RP2: variants seen among roughly 807,000 people sequenced by gnomAD.
RP2 encodes the protein protein XRP2.
RP2 carries 3 observed loss-of-function variants against 20.3 expected under a neutral mutation model. That is an observed-to-expected ratio of 0.15 (90% CI 0.07 to 0.38). The LOEUF is 0.38. Among genes scored for constraint, RP2 ranks in the 10% least tolerant of loss-of-function variants. The pLI is 1.00. For synonymous variants in RP2, 75 were observed against 94.8 expected, an observed-to-expected ratio of 0.79 and a Z score of 1.22; for missense variants, 233 against 268.5, an observed-to-expected ratio of 0.87 and a Z score of 0.92.
chrX:46,847,765 C>CATATGTGTGTGTATATACACACAT (rs782092352), intron 1 of RP2, among the ~76,000 whole-genome samples: 18 of 78,412 alleles, frequency 2.3e-4, no homozygotes, highest in Admixed American at 1.3e-3. Flanking sequence ...TATATACACA[C>CATATGTGTGTGTATATACACACAT]ATGTGTGTGT....
At chrX:46,857,151 C>T (rs1010539009) in intron 2 of RP2, among the ~76,000 whole-genome samples, 99 of 103,167 alleles carry the variant, frequency 9.6e-4, no homozygotes, top group African/African-American at 3.4e-3. Flanking sequence ...TTTTTTTTTT[C>T]GCAATAGGAA....
chrX:46,844,657 A>T (rs1924685187), intron 1 of RP2, among the ~76,000 whole-genome samples: 1 of 111,266 alleles, frequency 9.0e-6, no homozygotes, highest in Non-Finnish European at 1.9e-5. Context: ...ATGTGTCTTT[A>T]TAGCAGCATG....
At chrX:46,837,230 C>T (rs781973026) in intron 1 of RP2, 28 bp downstream of exon 1, 23 of 1,148,136 alleles carry the variant, frequency 2.0e-5, no homozygotes, top group Admixed American at 2.6e-5. Flanking sequence ...GCCGCCGTCT[C>T]AGCCTCCCTG....
chrX:46,849,966 C>T (rs1924830957), intron 1 of RP2, among the ~76,000 whole-genome samples: 1 of 112,071 alleles, frequency 8.9e-6, no homozygotes, highest in African/African-American at 3.2e-5. Context: ...TGCACTTGCT[C>T]CCTCCCTCTC....
intron 1 of RP2, among the ~76,000 whole-genome samples, chrX:46,850,782 C>G (rs1731291775): frequency 8.9e-6 from 1 of 111,954 alleles, no homozygotes; most frequent in Non-Finnish European, 1.9e-5. Context: ...TTCTCAGCAT[C>G]TCTCATTACA....
chrX:46,870,416 ATT>A (rs1359753774), intron 3 of RP2, among the ~76,000 whole-genome samples: 3 of 109,837 alleles, frequency 2.7e-5, no homozygotes, highest in African/African-American at 1.0e-4. Context: ...GCCCCCAGCT[ATT>A]TTTTTAAACA....
At chrX:46,879,195 C>A (rs1925430278) in intron 4 of RP2, among the ~76,000 whole-genome samples, 1 of 107,766 alleles carries the variant, frequency 9.3e-6, no homozygotes, top group African/African-American at 3.4e-5. Context: ...GCCATGATTG[C>A]ACCACTGCAC....
intron 2 of RP2, among the ~76,000 whole-genome samples, chrX:46,855,879 A>G (rs1178642933): frequency 8.9e-6 from 1 of 111,921 alleles, no homozygotes; most frequent in Non-Finnish European, 1.9e-5. Flanking sequence ...ATAGCTATAT[A>G]TTCCACAATG....
rs1924893682 is a variant in RP2, at chrX:46,853,403, A to C, written c.103-73A>C. ...TTCAGCACTAAGAACTGTGCCTGGC[A>C]GCCAATAGTCCTTTAGTTGATACTT... On this transcript the variant is annotated intron_variant, in intron 1 of 4. Coordinates refer to ENST00000218340, the MANE Select transcript of RP2 (RefSeq NM_006915.3). The C allele has an allele frequency of 3.1e-6, 3 of 970,638 alleles. No homozygotes were observed. The African/African-American group carries it at 5.8e-5, about 19-fold the overall frequency. The allele number at this position is 970,638 out of a possible 1,213,427, so 80.0% of individuals were successfully genotyped here. A position where few individuals can be genotyped will look rare whatever the true frequency, so the allele number is the denominator to read the frequency against.
At chrX:46,864,897 T>G (rs1275255736) in intron 3 of RP2, among the ~76,000 whole-genome samples, 1 of 112,266 alleles carries the variant, frequency 8.9e-6, no homozygotes, top group Non-Finnish European at 1.9e-5. Flanking sequence ...GAGAGAGAGA[T>G]AATGAAGGGC....
chrX:46,855,060 C>T (rs1924933583), intron 2 of RP2, among the ~76,000 whole-genome samples: 1 of 111,466 alleles, frequency 9.0e-6, no homozygotes, highest in African/African-American at 3.3e-5. Flanking sequence ...GCCACTGCAC[C>T]CAGCCAAAAG....
chrX:46,850,663 A>C (rs1556317938), intron 1 of RP2, among the ~76,000 whole-genome samples: 1 of 110,342 alleles, frequency 9.1e-6, no homozygotes, highest in Non-Finnish European at 1.9e-5. Context: ...CTTTATTCCT[A>C]CCCCTTTTAC....
chrX:46,866,337 C>G (rs1192875627), intron 3 of RP2, among the ~76,000 whole-genome samples: 1 of 111,510 alleles, frequency 9.0e-6, no homozygotes, highest in Non-Finnish European at 1.9e-5. Context: ...TGACTATTAA[C>G]CTGTATATAC....
intron 1 of RP2, among the ~76,000 whole-genome samples, chrX:46,842,888 A>G (rs1924648565): frequency 9.0e-6 from 1 of 110,639 alleles, no homozygotes; most frequent in Non-Finnish European, 1.9e-5. Flanking sequence ...TTTGTCTATT[A>G]TGGATAATGG....
chrX:46,847,840 G>A (rs1270996487), intron 1 of RP2, among the ~76,000 whole-genome samples: 1 of 96,280 alleles, frequency 1.0e-5, no homozygotes, highest in Non-Finnish European at 2.1e-5. Context: ...GTATATATGT[G>A]TGTATATATG....
At chrX:46,862,404 T>C (rs1375921626) in intron 3 of RP2, among the ~76,000 whole-genome samples, 1 of 105,074 alleles carries the variant, frequency 9.5e-6, no homozygotes, top group Non-Finnish European at 1.9e-5. Context: ...CTCACGCCTG[T>C]AATCCCAACA....
At chrX:46,863,721 A>G (rs1925117267) in intron 3 of RP2, among the ~76,000 whole-genome samples, 1 of 112,048 alleles carries the variant, frequency 8.9e-6, no homozygotes, top group Non-Finnish European at 1.9e-5. Context: ...TGTGGCAACG[A>G]AAAATGTTTC....
chrX:46,854,516 A>T (rs1924922588), intron 2 of RP2, among the ~76,000 whole-genome samples: 2 of 111,491 alleles, frequency 1.8e-5, no homozygotes, highest in Non-Finnish European at 3.8e-5. Context: ...TAGGATGCCT[A>T]TTTGTTTTCC....
At position 46,837,082 on chromosome X, in the gene RP2, A is replaced by G. The variant is rs377518198; in HGVS notation, c.-19A>G. On this transcript the variant is annotated 5_prime_UTR_variant, in exon 1 of 5. Transcript: ENST00000218340. ...GCCTGAGCTAGTGAGCTGGCCAACG[A>G]GCTCCGCGGGCTGGGACCATGGGCT... 3.4e-6 allele frequency: 4 copies of G among 1,165,634 alleles called. No homozygotes were observed. Among genetic ancestry groups the G allele is most frequent in the Non-Finnish European group, 4.6e-6 (4 of 870,944 alleles).
Sources: gnomAD v4.1 joint callset for allele counts (sites outside exome capture counted in the v4.1 genomes callset) on GRCh38, gnomAD v4.1.1 for gene constraint, MANE v1.5 for transcripts, NCBI Gene and HGNC (gene_info 2026-07-23, HGNC 2026-07-21) for gene names.